The following ZMIZ1 variants were observed in gnomAD, a reference collection of about 807,000 sequenced individuals.
The protein encoded by ZMIZ1 is zinc finger MIZ-type containing 1, also known as zinc finger MIZ domain-containing protein 1.
Under a neutral mutation model 113.9 loss-of-function variants are expected in ZMIZ1, and 17 were observed. The ratio of observed to expected loss-of-function variants is 0.15; its 90% confidence interval spans 0.10 to 0.22. The LOEUF is 0.22. Ranked by LOEUF, ZMIZ1 falls within the 10% of genes least tolerant of loss-of-function variation. ZMIZ1 has a pLI of 1.00. For synonymous variants in ZMIZ1, 607 were observed against 603.1 expected, an observed-to-expected ratio of 1.01 and a Z score of -0.09; for missense variants, 1,059 against 1,477.8, an observed-to-expected ratio of 0.72 and a Z score of 4.65.
At chr10:79,232,508 G>T (rs1849432042) in intron 7 of ZMIZ1, among the ~76,000 whole-genome samples, 1 of 151,980 alleles carries the variant, frequency 6.6e-6, no homozygotes, top group Admixed American at 6.6e-5. Flanking sequence ...AGTGTAGAGG[G>T]CTTTGAGGAT....
At chr10:79,085,739 A>G (rs748698031) in intron 1 of ZMIZ1, among the ~76,000 whole-genome samples, 3 of 152,302 alleles carry the variant, frequency 2.0e-5, no homozygotes, top group South Asian at 2.1e-4. Flanking sequence ...CAAAAGCCCA[A>G]ACCTTTTCAG....
rs75801459 is a variant in ZMIZ1, at chr10:79,175,585, T to C, written c.-50+13452T>C. Among the ~76,000 whole-genome samples, 244 of 41,036 alleles carry C rather than the reference T, an allele frequency of 5.9e-3. 3 individuals are homozygous for C. Among genetic ancestry groups the C allele is most frequent in the Admixed American group, 0.048 (210 of 4,368 alleles). 26.9% of individuals were successfully genotyped at this position (41,036 alleles called of 152,430 possible). A position where few individuals can be genotyped will look rare whatever the true frequency, so the allele number is the denominator to read the frequency against. On this transcript the variant is annotated intron_variant, in intron 4 of 24. Transcript: ENST00000334512. ...ACTTCTCTAATCTGTGCACTCTGCGTGTGTGTGTGTGTGTGTGTGTGTGTG... is the reference window on the plus strand; with the variant it reads ...ACTTCTCTAATCTGTGCACTCTGCGCGTGTGTGTGTGTGTGTGTGTGTGTG...
intron 5 of ZMIZ1, among the ~76,000 whole-genome samples, chr10:79,206,072 C>T (rs916508515): frequency 6.6e-6 from 1 of 151,874 alleles, no homozygotes; most frequent in Non-Finnish European, 1.5e-5. Context: ...CGCACCACTA[C>T]CCCCCAGCCT....
chr10:79,141,646 G>C (rs1454580503), intron 3 of ZMIZ1, among the ~76,000 whole-genome samples: 2 of 152,298 alleles, frequency 1.3e-5, no homozygotes, highest in Admixed American at 1.3e-4. Context: ...GGACTTAAGT[G>C]ATCCACCTGC....
intron 7 of ZMIZ1, among the ~76,000 whole-genome samples, chr10:79,265,393 G>A (rs768257282): frequency 1.3e-4 from 20 of 152,018 alleles, no homozygotes; most frequent in Non-Finnish European, 1.6e-4. Flanking sequence ...TGTGGGGACC[G>A]GGGGTGGGGG....
In ZMIZ1 at chr10:79,096,249, G is replaced by A. The variant is rs1320607984; in HGVS notation, c.-336-22666G>A. ...GTCTAGGCTGGGCACGGTGGCTCACGCCTGTAATACCAGCACTTTGGGAGG... is the reference window on the plus strand; with the variant it reads ...GTCTAGGCTGGGCACGGTGGCTCACACCTGTAATACCAGCACTTTGGGAGG... On this transcript the variant is annotated intron_variant, in intron 1 of 24. Transcript: ENST00000334512. 2.6e-5 allele frequency among the ~76,000 whole-genome samples: 4 copies of A among 152,270 alleles called. No individual in the cohort carries two copies. The East Asian group carries it at 5.8e-4, about 22-fold the overall frequency.
intron 7 of ZMIZ1, among the ~76,000 whole-genome samples, chr10:79,235,878 G>C (rs1849569233): frequency 6.6e-6 from 1 of 152,236 alleles, no homozygotes; most frequent in Non-Finnish European, 1.5e-5. Flanking sequence ...AGGATAGACA[G>C]CTTGGGGCCG....
At chr10:79,310,870 C>T (rs1308086717) in intron 23 of ZMIZ1, 54 bp from the exon 24 acceptor site, 5 of 1,558,512 alleles carry the variant, frequency 3.2e-6, no homozygotes, top group Admixed American at 1.8e-5. Flanking sequence ...CAGGCATCAT[C>T]GCCGTGCCTC....
chr10:79,153,659 T>C (rs1845791093), intron 3 of ZMIZ1, among the ~76,000 whole-genome samples: 1 of 152,206 alleles, frequency 6.6e-6, no homozygotes, highest in African/African-American at 2.4e-5. Context: ...CATGCACTTG[T>C]CACCCACTAA....
intron 2 of ZMIZ1, among the ~76,000 whole-genome samples, chr10:79,129,687 A>G (rs1447457044): frequency 2.0e-5 from 3 of 152,012 alleles, no homozygotes; most frequent in African/African-American, 7.3e-5. Context: ...CCCTATTTGC[A>G]CTGAGGGCTT....
At chr10:79,172,150 C>T (rs1047505813) in intron 4 of ZMIZ1, among the ~76,000 whole-genome samples, 3 of 152,078 alleles carry the variant, frequency 2.0e-5, no homozygotes, top group Admixed American at 6.5e-5. Flanking sequence ...CACTGGAACC[C>T]AGAGTAGTGG....
chr10:79,105,291 C>CAGAGAAG (rs1298184635), intron 1 of ZMIZ1, among the ~76,000 whole-genome samples: 1 of 152,178 alleles, frequency 6.6e-6, no homozygotes, highest in African/African-American at 2.4e-5. Flanking sequence ...AAGGTGGTGG[C>CAGAGAAG]AGAGAAGAGA....
chr10:79,150,100 G>A (rs1227553212), intron 3 of ZMIZ1, among the ~76,000 whole-genome samples: 1 of 152,214 alleles, frequency 6.6e-6, no homozygotes, highest in Non-Finnish European at 1.5e-5. Context: ...GGCGGGGCTG[G>A]AGGATGGGGC....
At chr10:79,109,205 C>G (rs999886277) in intron 1 of ZMIZ1, among the ~76,000 whole-genome samples, 1 of 152,124 alleles carries the variant, frequency 6.6e-6, no homozygotes, top group Non-Finnish European at 1.5e-5. Context: ...CTGTGTGTGT[C>G]CCAGTGTGGA....
intron 3 of ZMIZ1, among the ~76,000 whole-genome samples, chr10:79,146,970 GTGTA>G (rs113666892): frequency 0.12 from 16,513 of 142,566 alleles, 916 homozygotes; most frequent in Non-Finnish European, 0.13. Context: ...GTGTGTGTGT[GTGTA>G]TATCCCTGTC....
At chr10:79,141,457 T>A (rs1359447131) in intron 3 of ZMIZ1, among the ~76,000 whole-genome samples, 1 of 152,090 alleles carries the variant, frequency 6.6e-6, no homozygotes, top group African/African-American at 2.4e-5. Flanking sequence ...AAGCTTTTTT[T>A]TTTGAGACAG....
intron 7 of ZMIZ1, among the ~76,000 whole-genome samples, chr10:79,258,595 G>T (rs1851063443): frequency 6.6e-6 from 1 of 152,222 alleles, no homozygotes; most frequent in Non-Finnish European, 1.5e-5. Flanking sequence ...TGAAGTTGAG[G>T]ATGGTTGGTG....
intron 4 of ZMIZ1, among the ~76,000 whole-genome samples, chr10:79,191,966 T>C (rs1275890084): frequency 6.6e-6 from 1 of 152,252 alleles, no homozygotes; most frequent in Admixed American, 6.5e-5. Flanking sequence ...GTTCAGTACC[T>C]CTTTCCACTC....
intron 1 of ZMIZ1, among the ~76,000 whole-genome samples, chr10:79,075,819 A>G (rs1445119268): frequency 2.0e-5 from 3 of 152,192 alleles, no homozygotes; most frequent in African/African-American, 7.2e-5. Context: ...GTGTTAAAAT[A>G]CATACACTGT....
Sources: allele counts gnomAD v4.1 joint callset (sites outside exome capture counted in the v4.1 genomes callset), GRCh38; gene constraint gnomAD v4.1.1; transcripts MANE v1.5; gene names NCBI Gene and HGNC (gene_info 2026-07-23, HGNC 2026-07-21).